Variants in MAGOHB observed in about 807,000 individuals in gnomAD.
MAGOHB encodes the protein protein mago nashi homolog 2.
Under a neutral mutation model 20.9 loss-of-function variants are expected in MAGOHB, and 15 were observed. The ratio of observed to expected loss-of-function variants is 0.72; its 90% CI spans 0.48 to 1.11. The LOEUF (loss-of-function observed/expected upper bound fraction) is 1.11, where lower values mean the gene tolerates loss of function less well. Among genes scored for constraint, MAGOHB ranks in the 50% least tolerant of loss-of-function variants. The pLI is 0.00. For missense variants in MAGOHB, 162 were observed against 177.6 expected, an observed-to-expected ratio of 0.91 and a Z score of 0.50; for synonymous variants, 50 against 57.9, an observed-to-expected ratio of 0.86 and a Z score of 0.62.
At chr12:10,608,012 A>T in intron 3 of MAGOHB, 76 bp from the exon 4 acceptor site, 1 of 887,446 alleles carries the variant, frequency 1.1e-6, no homozygotes, top group South Asian at 1.7e-5. Flanking sequence ...CTACAAGCAG[A>T]TCCCAATTTT....
At chr12:10,609,983 G>A (rs777173116) in intron 2 of MAGOHB, 42 bp from the exon 3 acceptor site, 1 of 1,113,664 alleles carries the variant, frequency 9.0e-7, no homozygotes, top group Admixed American at 2.1e-5. Context: ...GCCCACCTAT[G>A]TCACCCCTCA....
chr12:10,613,580 G>A lies in MAGOHB; in HGVS notation c.-48C>T, dbSNP rs1169681270. ...GAAAACGCAGCCAACGTGTCCCCCG[G>A]CGCCTTGCAGTGACGTCATCGCGCG... On this transcript the variant is annotated 5_prime_UTR_variant, in exon 1 of 5. Coordinates refer to ENST00000320756, the MANE Select transcript of MAGOHB (RefSeq NM_018048.5). 7.8e-7 allele frequency: 1 copy of A among 1,278,126 alleles called. No individual in the cohort carries two copies. Among genetic ancestry groups the A allele is most frequent in the East Asian group, 2.3e-5 (1 of 43,332 alleles). 79.2% of individuals were successfully genotyped at this position (1,278,126 alleles called of 1,614,324 possible).
chr12:10,601,419 C>A (rs866884686), downstream of MAGOHB, among the ~76,000 whole-genome samples: 1 of 152,106 alleles, frequency 6.6e-6, no homozygotes, highest in African/African-American at 2.4e-5. Context: ...CACAATGGAC[C>A]GTGAATTCAG....
At chr12:10,601,992 C>T (rs1865559190), downstream of MAGOHB, among the ~76,000 whole-genome samples, 2 of 152,180 alleles carry the variant, frequency 1.3e-5, no homozygotes, top group Middle Eastern at 3.2e-3. Flanking sequence ...TGAGGCTTGG[C>T]GTGCTAGTGC....
At chr12:10,602,598 TAC>T (rs1258785726), downstream of MAGOHB, among the ~76,000 whole-genome samples, 2 of 152,220 alleles carry the variant, frequency 1.3e-5, no homozygotes, top group Non-Finnish European at 2.9e-5. Context: ...AAGAGAAATA[TAC>T]AGAGTTTTGA....
chr12:10,609,778 T>C (rs1038000855), intron 3 of MAGOHB, 53 bp downstream of exon 3: 23 of 1,121,290 alleles, frequency 2.1e-5, no homozygotes, highest in Non-Finnish European at 2.8e-5. Flanking sequence ...GGAAACAAAA[T>C]AGTATTATCA....
downstream of MAGOHB, among the ~76,000 whole-genome samples, chr12:10,603,279 A>T (rs2120489919): frequency 7.2e-6 from 1 of 138,038 alleles, no homozygotes; most frequent in East Asian, 2.2e-4. Context: ...GCGCCGCTGC[A>T]CTCCAGCCTG....
chr12:10,603,832 CTAGGA>C, downstream of MAGOHB, among the ~76,000 whole-genome samples: 1 of 152,248 alleles, frequency 6.6e-6, no homozygotes, highest in Non-Finnish European at 1.5e-5. Flanking sequence ...TCCATTCATG[CTAGGA>C]ATCCAGTTAT....
In MAGOHB at chr12:10,605,701, T is replaced by A. The variant is rs1173622412; in HGVS notation, c.*574A>T. ...AAGATATGCCTAACATGGGGTAGAC[T>A]GTACTCTTGTAACACTTTAGGACCT... On this transcript the variant is annotated 3_prime_UTR_variant, in exon 5 of 5. Coordinates refer to ENST00000320756, the MANE Select transcript of MAGOHB (RefSeq NM_018048.5). 6.6e-6 allele frequency: 1 copy of A among 152,190 alleles called. No homozygotes were observed. Among genetic ancestry groups the A allele is most frequent in the Non-Finnish European group, 1.5e-5 (1 of 68,050 alleles). 9.4% of individuals were successfully genotyped at this position (152,190 alleles called of 1,614,324 possible). A position where few individuals can be genotyped will look rare whatever the true frequency, so the allele number is the denominator to read the frequency against.
At chr12:10,600,099 T>C (rs1206100522), downstream of MAGOHB, among the ~76,000 whole-genome samples, 1 of 152,158 alleles carries the variant, frequency 6.6e-6, no homozygotes, top group African/African-American at 2.4e-5. Context: ...ATGTATTTTT[T>C]AAATTACTTT....
Position 10,606,384 on chromosome 12 carries a change from A to T in MAGOHB, c.348-10T>A. The T allele has an allele frequency of 6.8e-7, 1 of 1,475,152 alleles. No homozygotes were observed. Among genetic ancestry groups the T allele is most frequent in the Non-Finnish European group, 9.2e-7 (1 of 1,082,252 alleles). The allele number at this position is 1,475,152 out of a possible 1,614,324, so 91.4% of individuals were successfully genotyped here. A position where few individuals can be genotyped will look rare whatever the true frequency, so the allele number is the denominator to read the frequency against. On this transcript the variant is annotated splice_polypyrimidine_tract_variant and intron_variant, in intron 4 of 4. Transcript: ENST00000320756. ...AAGGCCTTCAGGATCCCTAAAATTT[A>T]AAAAGGTAAAAGTTACTTTTTCTTC...
At chr12:10,602,053 T>C (rs1591659576), downstream of MAGOHB, among the ~76,000 whole-genome samples, 1 of 152,224 alleles carries the variant, frequency 6.6e-6, no homozygotes, top group Admixed American at 6.5e-5. Context: ...TACTGCCCCA[T>C]TCAGATAGAT....
chr12:10,608,698 C>T (rs1372586142), intron 3 of MAGOHB: 2 of 151,144 alleles, frequency 1.3e-5, no homozygotes, highest in Non-Finnish European at 2.9e-5. Context: ...AGGCCTAAAA[C>T]CAATAATTAA....
intron 2 of MAGOHB, among the ~76,000 whole-genome samples, chr12:10,610,404 G>A (rs1379007190): frequency 2.0e-5 from 3 of 151,994 alleles, no homozygotes; most frequent in Non-Finnish European, 4.4e-5. Context: ...ATAAATGCAA[G>A]TGTAGTTCAC....
At chr12:10,608,718 T>C (rs975499255) in intron 3 of MAGOHB, 15 of 151,986 alleles carry the variant, frequency 9.9e-5, no homozygotes, top group Admixed American at 8.5e-4. Context: ...AAAAGCTATA[T>C]CTGTAATGAA....
intron 1 of MAGOHB, among the ~76,000 whole-genome samples, chr12:10,611,566 G>C (rs1865737352): frequency 6.6e-6 from 1 of 151,636 alleles, no homozygotes; most frequent in South Asian, 2.1e-4. Context: ...GGCCAACATG[G>C]AGAAACCCCG....
downstream of MAGOHB, among the ~76,000 whole-genome samples, chr12:10,603,224 A>T (rs1008136395): frequency 6.6e-6 from 1 of 150,876 alleles, no homozygotes; most frequent in Non-Finnish European, 1.5e-5. Context: ...TGAGGCAGGG[A>T]AATGGCATGA....
downstream of MAGOHB, among the ~76,000 whole-genome samples, chr12:10,601,090 C>T (rs952717626): frequency 4.6e-5 from 7 of 152,278 alleles, no homozygotes; most frequent in Admixed American, 3.3e-4. Context: ...AGAGTAAAGA[C>T]GGTCCATATC....
In MAGOHB at chr12:10,606,165, T is replaced by C; in HGVS notation, c.*110A>G. On this transcript the variant is annotated 3_prime_UTR_variant, in exon 5 of 5. Coordinates refer to ENST00000320756, the MANE Select transcript of MAGOHB (RefSeq NM_018048.5). ...TGTATTTTCTTATTTTCAGTTTACA[T>C]ACAAATTTTTTTTGTTTGCTTCACA... 1 of 587,258 alleles carries C rather than the reference T, an allele frequency of 1.7e-6. No homozygotes were observed. Among genetic ancestry groups the C allele is most frequent in the Non-Finnish European group, 3.0e-6 (1 of 338,740 alleles). The allele number at this position is 587,258 out of a possible 1,614,324, so 36.4% of individuals were successfully genotyped here. A position where few individuals can be genotyped will look rare whatever the true frequency, so the allele number is the denominator to read the frequency against.
Sources: gnomAD v4.1 joint callset for allele counts (sites outside exome capture counted in the v4.1 genomes callset) on GRCh38, gnomAD v4.1.1 for gene constraint, MANE v1.5 for transcripts, NCBI Gene and HGNC (gene_info 2026-07-23, HGNC 2026-07-21) for gene names.